The following ADCY2 variants were observed in gnomAD, a reference collection of about 807,000 sequenced individuals.
ADCY2 encodes the protein adenylate cyclase 2.
In ADCY2, 31 loss-of-function variants were observed where a neutral mutation model predicts 125.2. The ratio of observed to expected loss-of-function variants is 0.25; its 90% CI spans 0.19 to 0.33. The LOEUF (loss-of-function observed/expected upper bound fraction) is 0.33, where lower values mean the gene tolerates loss of function less well. Ranked by LOEUF, ADCY2 falls within the 10% of genes least tolerant of loss-of-function variation. The pLI is 1.00. For missense variants in ADCY2, 904 were observed against 1,418.2 expected, an observed-to-expected ratio of 0.64 and a Z score of 5.82; for synonymous variants, 512 against 548.4, an observed-to-expected ratio of 0.93 and a Z score of 0.93.
At chr5:7,599,721 G>T (rs944752539) in intron 3 of ADCY2, among the ~76,000 whole-genome samples, 4 of 152,144 alleles carry the variant, frequency 2.6e-5, no homozygotes, top group Admixed American at 2.0e-4. Flanking sequence ...AGGGTTTCAA[G>T]GTGTGTGGAG....
chr5:7,621,338 T>G (rs909609993), intron 3 of ADCY2, among the ~76,000 whole-genome samples: 2 of 152,180 alleles, frequency 1.3e-5, no homozygotes, highest in Admixed American at 6.5e-5. Flanking sequence ...TGAAAGCACT[T>G]TACAGCATAA....
intron 4 of ADCY2, among the ~76,000 whole-genome samples, chr5:7,635,062 C>T (rs1437174460): frequency 6.6e-6 from 1 of 152,074 alleles, no homozygotes; most frequent in Non-Finnish European, 1.5e-5. Flanking sequence ...AGCCAGGTGG[C>T]CTGTTTGAGA....
chr5:7,544,426 C>T (rs754042005), intron 3 of ADCY2, among the ~76,000 whole-genome samples: 6 of 152,182 alleles, frequency 3.9e-5, no homozygotes, highest in African/African-American at 1.4e-4. Context: ...AAGGCTGCTG[C>T]GTTCCTCAAT....
intron 20 of ADCY2, chr5:7,795,980 G>C (rs1744407969): frequency 6.6e-6 from 1 of 152,182 alleles, no homozygotes. Context: ...GGTCAAGGGA[G>C]GGTGGCAGCA....
intron 9 of ADCY2, 169 bp downstream of exon 9, chr5:7,708,007 A>G: frequency 2.8e-6 from 2 of 714,324 alleles, no homozygotes; most frequent in Non-Finnish European, 4.4e-6. Context: ...GTAATTATGA[A>G]TTCAAATACT....
At chr5:7,447,302 A>G (rs1221863994) in intron 2 of ADCY2, among the ~76,000 whole-genome samples, 2 of 152,190 alleles carry the variant, frequency 1.3e-5, no homozygotes, top group Non-Finnish European at 2.9e-5. Context: ...ACTGAGGTCT[A>G]ACTGCCTGTG....
chr5:7,614,915 C>G (rs1468108192), intron 3 of ADCY2, among the ~76,000 whole-genome samples: 1 of 152,222 alleles, frequency 6.6e-6, no homozygotes, highest in African/African-American at 2.4e-5. Flanking sequence ...CTGTAAGGAA[C>G]TACCTGAGAC....
chr5:7,529,390 G>A (rs763708249), intron 3 of ADCY2, among the ~76,000 whole-genome samples: 9 of 152,188 alleles, frequency 5.9e-5, no homozygotes, highest in Non-Finnish European at 1.0e-4. Context: ...AGCAGAGGGA[G>A]GGGATGTGCT....
chr5:7,771,509 T>G (rs1218410710), intron 17 of ADCY2, among the ~76,000 whole-genome samples: 1 of 152,194 alleles, frequency 6.6e-6, no homozygotes, highest in African/African-American at 2.4e-5. Context: ...GAGGTGTTGG[T>G]CTTCCTTTTG....
chr5:7,449,268 AATTC>A (rs1208497735), intron 2 of ADCY2, among the ~76,000 whole-genome samples: 1 of 152,220 alleles, frequency 6.6e-6, no homozygotes, highest in Non-Finnish European at 1.5e-5. Context: ...CAAATCCATC[AATTC>A]ATTCAATCCA....
chr5:7,639,761 A>G (rs184903011), intron 4 of ADCY2, among the ~76,000 whole-genome samples: 2 of 152,344 alleles, frequency 1.3e-5, no homozygotes, highest in Non-Finnish European at 2.9e-5. Context: ...GTACTTGGTC[A>G]TCTTGAAACT....
At chr5:7,499,806 T>C (rs1743498738) in intron 2 of ADCY2, among the ~76,000 whole-genome samples, 1 of 150,700 alleles carries the variant, frequency 6.6e-6, no homozygotes, top group Admixed American at 6.6e-5. Context: ...ACTGCCCATA[T>C]AGAGAAAAAA....
At chr5:7,429,495 A>G (rs546807157) in intron 2 of ADCY2, among the ~76,000 whole-genome samples, 1 of 152,354 alleles carries the variant, frequency 6.6e-6, no homozygotes, top group South Asian at 2.1e-4. Flanking sequence ...TTTATTTACT[A>G]AGATAGACCA....
chr5:7,481,474 A>G (rs566700387), intron 2 of ADCY2, among the ~76,000 whole-genome samples: 12 of 151,168 alleles, frequency 7.9e-5, no homozygotes, highest in Non-Finnish European at 1.8e-4. Context: ...TCACTGTGTT[A>G]GTCAGGATGG....
chr5:7,581,576 T>C (rs1399061288), intron 3 of ADCY2, among the ~76,000 whole-genome samples: 1 of 151,910 alleles, frequency 6.6e-6, no homozygotes, highest in Non-Finnish European at 1.5e-5. Context: ...TCCTAGCACT[T>C]TGGGGGGCCG....
intron 5 of ADCY2, among the ~76,000 whole-genome samples, chr5:7,692,592 G>T (rs1162208780): frequency 6.6e-6 from 1 of 152,108 alleles, no homozygotes; most frequent in Non-Finnish European, 1.5e-5. Context: ...GCTATTAATG[G>T]CTCTTTCTAG....
intron 3 of ADCY2, among the ~76,000 whole-genome samples, chr5:7,592,931 A>G (rs1423366923): frequency 1.3e-5 from 2 of 152,216 alleles, no homozygotes; most frequent in Admixed American, 1.3e-4. Context: ...GAAAAAGAGA[A>G]TTCCTCCTGG....
At chr5:7,594,075 G>C (rs982145187) in intron 3 of ADCY2, among the ~76,000 whole-genome samples, 2 of 152,124 alleles carry the variant, frequency 1.3e-5, no homozygotes, top group Non-Finnish European at 2.9e-5. Context: ...GCTGACTTTT[G>C]CTCTGGGTTG....
intron 6 of ADCY2, 78 bp from the exon 7 acceptor site, chr5:7,698,169 C>A: frequency 6.4e-7 from 1 of 1,564,894 alleles, no homozygotes. Flanking sequence ...GCAGAGCTGG[C>A]GCTTGATGAT....
Sources: allele counts gnomAD v4.1 joint callset (sites outside exome capture counted in the v4.1 genomes callset), GRCh38; gene constraint gnomAD v4.1.1; transcripts MANE v1.5; gene names NCBI Gene and HGNC (gene_info 2026-07-23, HGNC 2026-07-21).